RPAP3: variants seen among roughly 807,000 people sequenced by gnomAD.
The protein encoded by RPAP3 is RNA polymerase II-associated protein 3.
Under a neutral mutation model 88.8 loss-of-function variants are expected in RPAP3, and 58 were observed. That is an observed-to-expected ratio of 0.65 (90% confidence interval 0.53 to 0.81). RPAP3 has a LOEUF of 0.81. RPAP3 is among the 40% of genes least tolerant of loss of function. The pLI, the probability that RPAP3 is intolerant of heterozygous loss-of-function variation, is 0.00. For missense variants in RPAP3, 751 were observed against 764.3 expected (o/e 0.98, Z 0.20); for synonymous variants, 255 against 259.9 (o/e 0.98, Z 0.18).
At chr12:47,670,823 G>A (rs1938983230) in intron 12 of RPAP3, among the ~76,000 whole-genome samples, 1 of 152,166 alleles carries the variant, frequency 6.6e-6, no homozygotes, top group Non-Finnish European at 1.5e-5. Context: ...TGCCATGAAA[G>A]GAGTCTGGAC....
intron 5 of RPAP3, among the ~76,000 whole-genome samples, chr12:47,691,851 T>G (rs1939436216): frequency 6.6e-6 from 1 of 152,028 alleles, no homozygotes; most frequent in African/African-American, 2.4e-5. Flanking sequence ...GTTCACGCCA[T>G]TCTCCTGCCT....
At chr12:47,705,004 A>G (rs1323160557) in intron 1 of RPAP3, among the ~76,000 whole-genome samples, 2 of 151,594 alleles carry the variant, frequency 1.3e-5, no homozygotes. Flanking sequence ...GAGGGGGGGG[A>G]ATGAAATGAG....
chr12:47,693,605 T>A (rs1302519236), intron 5 of RPAP3, among the ~76,000 whole-genome samples: 2 of 152,198 alleles, frequency 1.3e-5, no homozygotes, highest in East Asian at 3.8e-4. Flanking sequence ...TTCCTAATGG[T>A]GAAACATTAG....
chr12:47,696,379 T>G lies in RPAP3; in HGVS notation c.442A>C (p.Lys148Gln). ...EKGNKYFKQG[K>Q]YDEAIDCYTK... is the part of the protein sequence containing the mutation. Reference sequence around the variant, plus strand: ...TAGCAGTCAATTGCTTCATCATATTTTCCTTGTTTGAAGTATTTATTGCCC... The same window carrying G: ...TAGCAGTCAATTGCTTCATCATATTGTCCTTGTTTGAAGTATTTATTGCCC... The change falls in exon 5 of 17, where the codon AAA becomes CAA. Residue 148 changes from lysine to glutamine, a missense_variant. Transcript: ENST00000005386. The G allele has an allele frequency of 6.3e-7, 1 of 1,589,250 alleles. No individual in the cohort carries two copies. The highest frequency in any genetic ancestry group is 8.6e-7 in the Non-Finnish European group (1 of 1,166,402).
intron 5 of RPAP3, among the ~76,000 whole-genome samples, chr12:47,691,443 T>A (rs541792132): frequency 1.3e-5 from 2 of 152,316 alleles, no homozygotes; most frequent in East Asian, 3.9e-4. Flanking sequence ...AACACTGATA[T>A]TTTGACCTCC....
chr12:47,666,674 C>G (rs1592466418), intron 16 of RPAP3, among the ~76,000 whole-genome samples: 1 of 152,150 alleles, frequency 6.6e-6, no homozygotes, highest in East Asian at 1.9e-4. Flanking sequence ...CTAGGTCTGG[C>G]TTCCTAGCTA....
rs532036921 is a variant in RPAP3, at chr12:47,696,471, C to T, written c.418-68G>A. On this transcript the variant is annotated intron_variant, in intron 4 of 16. Transcript: ENST00000005386. The stretch of plus-strand genomic sequence containing the variant: ...AAATTCACTACAGTTGACCCTTGAA[C>T]GACCCAGGTTTGAAGTGCATGGGTC... The T allele has an allele frequency of 5.6e-5, 68 of 1,214,596 alleles. No homozygotes were observed. In the African/African-American group the frequency reaches 9.0e-4, roughly 16 times the overall value. The allele number at this position is 1,214,596 out of a possible 1,614,324, so 75.2% of individuals were successfully genotyped here.
In RPAP3 at chr12:47,668,969, A is replaced by G. The variant is rs1938938273; in HGVS notation, c.1660T>C (p.Ser554Pro). 6.2e-7 allele frequency: 1 copy of G among 1,614,090 alleles called. No homozygotes were observed. Among genetic ancestry groups the G allele is most frequent in the African/African-American group, 1.3e-5 (1 of 75,054 alleles). The part of the protein sequence containing the change: ...PIPANSFQLE[S>P]DFRQLKSSPD... ...GAACTTTTCAATTGTCTGAAATCAG[A>G]TTCGAGCTGGAACGAGTTTGCAGGA... The change falls in exon 14 of 17, where the codon TCT becomes CCT. Residue 554 changes from serine to proline, a missense_variant. Transcript: ENST00000005386.
chr12:47,704,389 G>C (rs925992473), intron 1 of RPAP3, among the ~76,000 whole-genome samples: 5 of 152,000 alleles, frequency 3.3e-5, no homozygotes, highest in African/African-American at 1.2e-4. Flanking sequence ...TTTTTCTTGA[G>C]ACAGAGTCTT....
At chr12:47,684,953 T>C (rs1279771881) in intron 9 of RPAP3, among the ~76,000 whole-genome samples, 1 of 152,142 alleles carries the variant, frequency 6.6e-6, no homozygotes, top group African/African-American at 2.4e-5. Flanking sequence ...TAACCTGAGA[T>C]TGTCTGAGGG....
Position 47,663,556 on chromosome 12 carries a change from T to C in RPAP3, c.1947A>G (p.Ser649=). The part of the protein sequence containing the change: ...ARALFNHIDK[S]GLKDSSVEEL... ...CTTCGACAGAACTATCCTTCAATCC[T>C]GACTTGTCTATGTGATTAAATAATG... The change falls in exon 17 of 17, where the codon TCA becomes TCG. Residue 649 remains serine, a synonymous_variant. Transcript: ENST00000005386. 3 of 1,587,716 alleles carry C rather than the reference T, an allele frequency of 1.9e-6. No homozygotes were observed. Among genetic ancestry groups the C allele is most frequent in the East Asian group, 2.3e-5 (1 of 43,574 alleles).
intron 12 of RPAP3, among the ~76,000 whole-genome samples, chr12:47,678,098 A>G (rs1236389536): frequency 1.3e-5 from 2 of 152,298 alleles, no homozygotes; most frequent in African/African-American, 4.8e-5. Flanking sequence ...AACACCACAC[A>G]TCTAAAACCA....
At chr12:47,704,838 C>T (rs1939746393) in intron 1 of RPAP3, among the ~76,000 whole-genome samples, 1 of 151,926 alleles carries the variant, frequency 6.6e-6, no homozygotes, top group Non-Finnish European at 1.5e-5. Flanking sequence ...ACTTCGAGAT[C>T]CCCATCTCTA....
intron 8 of RPAP3, among the ~76,000 whole-genome samples, chr12:47,687,654 AAACTT>A (rs1320688304): frequency 4.6e-5 from 7 of 152,148 alleles, no homozygotes; most frequent in Non-Finnish European, 7.4e-5. Flanking sequence ...GTAGTTTCCT[AAACTT>A]AAGTGTTTCT....
chr12:47,696,478 G>A, intron 4 of RPAP3, 75 bp from the exon 5 acceptor site: 1 of 1,005,148 alleles, frequency 9.9e-7, no homozygotes, highest in Non-Finnish European at 1.4e-6. Context: ...GAACGACCCA[G>A]GTTTGAAGTG....
chr12:47,701,450 C>T lies in RPAP3; in HGVS notation c.294+14G>A. ...TACTCAAATATTAAGAAGCAAATGA[C>T]TAGATTAACTTACCACATCAAGTTT... On this transcript the variant is annotated intron_variant, in intron 3 of 16. Transcript: ENST00000005386. 6.5e-7 allele frequency: 1 copy of T among 1,540,136 alleles called. No homozygotes were observed. Among genetic ancestry groups the T allele is most frequent in the Middle Eastern group, 1.7e-4 (1 of 5,810 alleles).
chr12:47,695,843 A>C (rs1939514264), intron 5 of RPAP3: 1 of 152,438 alleles, frequency 6.6e-6, no homozygotes, highest in Admixed American at 6.5e-5. Context: ...ATATTCTTCC[A>C]CATTATTTAC....
At chr12:47,696,458 G>C in intron 4 of RPAP3, 55 bp from the exon 5 acceptor site, 1 of 1,378,352 alleles carries the variant, frequency 7.3e-7, no homozygotes, top group Non-Finnish European at 9.8e-7. Flanking sequence ...ATTCACTACA[G>C]TTGACCCTTG....
chr12:47,667,849 T>C lies in RPAP3; in HGVS notation c.1716A>G (p.Gln572=), dbSNP rs1240292416. The C allele has an allele frequency of 3.2e-6, 5 of 1,585,028 alleles. No individual in the cohort carries two copies. Among genetic ancestry groups the C allele is most frequent in the East Asian group, 4.5e-5 (2 of 44,566 alleles). ...SPDMLYQYLK[Q]IEPSLYPKLF... ...ACTTAGGATACAAAGATGGTTCAATTTGCTTGAAAAAAAAATAAAAAGACA... is the reference window on the plus strand; with the variant it reads ...ACTTAGGATACAAAGATGGTTCAATCTGCTTGAAAAAAAAATAAAAAGACA... The change falls in exon 15 of 17, where the codon CAA becomes CAG. Residue 572 remains glutamine (Q), a splice_region_variant and synonymous_variant. Coordinates refer to ENST00000005386, the MANE Select transcript of RPAP3 (RefSeq NM_024604.3).
Sources: gnomAD v4.1 joint callset for allele counts (sites outside exome capture counted in the v4.1 genomes callset) on GRCh38, gnomAD v4.1.1 for gene constraint, MANE v1.5 for transcripts, NCBI Gene and HGNC (gene_info 2026-07-23, HGNC 2026-07-21) for gene names.